Variants in ERMP1 observed in about 807,000 individuals in gnomAD.
ERMP1 encodes the protein endoplasmic reticulum metallopeptidase 1.
Under a neutral mutation model 92.0 loss-of-function variants are expected in ERMP1, and 86 were observed. The ratio of observed to expected loss-of-function variants is 0.93; its 90% CI spans 0.79 to 1.12. The LOEUF (loss-of-function observed/expected upper bound fraction) is 1.12, where lower values mean the gene tolerates loss of function less well. Among genes scored for constraint, ERMP1 ranks in the 50% most tolerant of loss-of-function variants. The probability of loss-of-function intolerance (pLI) is 0.00; values close to 1 mark genes in which losing one functional copy is unlikely to be tolerated. For synonymous variants in ERMP1, 530 were observed against 412.8 expected, an observed-to-expected ratio of 1.28 and a Z score of -3.44; for missense variants, 1,342 against 1,116.3, an observed-to-expected ratio of 1.20 and a Z score of -2.88.
At chr9:5,798,580 C>T (rs1324738641) in intron 12 of ERMP1, among the ~76,000 whole-genome samples, 1 of 151,380 alleles carries the variant, frequency 6.6e-6, no homozygotes, top group Non-Finnish European at 1.5e-5. Flanking sequence ...TTTCTAACCA[C>T]TCAGGTTTCT....
chr9:5,840,610 T>G (rs1830151347), intron 6 of ERMP1, among the ~76,000 whole-genome samples: 1 of 152,236 alleles, frequency 6.6e-6, no homozygotes, highest in African/African-American at 2.4e-5. Context: ...GGCAGTACGA[T>G]GCCGCAGTTC....
intron 7 of ERMP1, 108 bp from the exon 8 acceptor site, chr9:5,810,339 G>T: frequency 1.4e-6 from 1 of 716,308 alleles, no homozygotes; most frequent in Non-Finnish European, 2.3e-6. Context: ...ACTCCCCACT[G>T]TACTTGAAAA....
intron 8 of ERMP1, among the ~76,000 whole-genome samples, chr9:5,806,482 C>T (rs1173600043): frequency 1.3e-5 from 2 of 151,458 alleles, no homozygotes; most frequent in Non-Finnish European, 2.9e-5. Flanking sequence ...GGCCGGAGTC[C>T]AGTGGTGCGA....
chr9:5,839,716 C>T (rs548350839), intron 6 of ERMP1, among the ~76,000 whole-genome samples: 8 of 152,216 alleles, frequency 5.3e-5, no homozygotes, highest in East Asian at 1.9e-4. Context: ...ACTTGGCTTT[C>T]GGGCTGCATG....
intron 6 of ERMP1, among the ~76,000 whole-genome samples, chr9:5,854,040 G>A (rs191924326): frequency 6.6e-6 from 1 of 152,102 alleles, no homozygotes; most frequent in Admixed American, 6.6e-5. Context: ...TAGACCTGGA[G>A]CTTATATATC....
chr9:5,861,724 T>TTG (rs1180258463), intron 5 of ERMP1, among the ~76,000 whole-genome samples: 2 of 142,912 alleles, frequency 1.4e-5, no homozygotes, highest in South Asian at 2.4e-4. Context: ...AGGGTTTTTT[T>TTG]TTTTTTTTTT....
chr9:5,813,799 C>T (rs1174882189), intron 4 of ERMP1, among the ~76,000 whole-genome samples: 1 of 150,412 alleles, frequency 6.6e-6, no homozygotes, highest in Non-Finnish European at 1.5e-5. Flanking sequence ...CATACATCTA[C>T]AGCTTTTTCA....
Position 5,833,077 on chromosome 9 carries a change from C to G in ERMP1, c.-50G>C, listed in dbSNP as rs755937954. ...CAACCGCCCCAACCCGCGACAGCCC[C>G]GGCCGCCGCCGACGCCGCCGTCGCT... On this transcript the variant is annotated 5_prime_UTR_variant, in exon 1 of 15. Coordinates refer to ENST00000339450, the MANE Select transcript of ERMP1 (RefSeq NM_024896.3). The G allele has an allele frequency of 8.7e-6, 12 of 1,384,692 alleles. No individual in the cohort carries two copies. Among genetic ancestry groups the G allele is most frequent in the South Asian group, 3.3e-5 (2 of 61,180 alleles). 85.8% of individuals were successfully genotyped at this position (1,384,692 alleles called of 1,614,324 possible).
At position 5,812,174 on chromosome 9, in the gene ERMP1, GGT is replaced by G; in HGVS notation, c.1063_1064del (p.Thr355GlnfsTer3). 6.2e-7 allele frequency: 1 copy of G among 1,609,994 alleles called. No individual in the cohort carries two copies. The highest frequency in any genetic ancestry group is 8.5e-7 in the Non-Finnish European group (1 of 1,177,796). ...GAATTCTGTCCGCTGTGTCATACTT[GGT>G]GTGATAAATGTATCCATTCTCAATA... The part of the protein sequence containing the change: ...AFIENGYIYH[T>X]KYDTADRILT... On this transcript the variant is annotated frameshift_variant, in exon 6 of 15. Transcript: ENST00000339450. LOFTEE classifies it high-confidence loss of function.
intron 13 of ERMP1, among the ~76,000 whole-genome samples, chr9:5,790,296 A>G (rs1586762794): frequency 6.6e-6 from 1 of 152,054 alleles, no homozygotes; most frequent in African/African-American, 2.4e-5. Flanking sequence ...ATAATAGAGA[A>G]TTAAAACAAA....
At chr9:5,813,808 C>T (rs1175483393) in intron 4 of ERMP1, among the ~76,000 whole-genome samples, 1 of 150,106 alleles carries the variant, frequency 6.7e-6, no homozygotes, top group Non-Finnish European at 1.5e-5. Context: ...ACAGCTTTTT[C>T]AAATGGGAGT....
intron 2 of ERMP1, among the ~76,000 whole-genome samples, chr9:5,827,901 C>A (rs1255980110): frequency 6.6e-6 from 1 of 152,132 alleles, no homozygotes. Context: ...TGGCGTGAAC[C>A]CGGGAGGCAG....
intron 6 of ERMP1, among the ~76,000 whole-genome samples, chr9:5,842,738 A>G (rs189408416): frequency 6.6e-6 from 1 of 152,352 alleles, no homozygotes; most frequent in African/African-American, 2.4e-5. Flanking sequence ...TGTGATGATA[A>G]TAAGTGCCTT....
At chr9:5,815,970 A>G (rs1829288959) in intron 4 of ERMP1, among the ~76,000 whole-genome samples, 1 of 152,122 alleles carries the variant, frequency 6.6e-6, no homozygotes, top group Non-Finnish European at 1.5e-5. Context: ...TTTATGCTAA[A>G]AAATACAATG....
intron 2 of ERMP1, among the ~76,000 whole-genome samples, chr9:5,825,566 C>T (rs1303511356): frequency 6.6e-6 from 1 of 152,160 alleles, no homozygotes; most frequent in Non-Finnish European, 1.5e-5. Flanking sequence ...TATTCTTTAC[C>T]CGTATTCCAC....
At chr9:5,815,400 C>A (rs540952064) in intron 4 of ERMP1, among the ~76,000 whole-genome samples, 1 of 151,508 alleles carries the variant, frequency 6.6e-6, no homozygotes, top group East Asian at 1.9e-4. Context: ...GAAATAGACA[C>A]CACTGGCCTA....
intron 5 of ERMP1, among the ~76,000 whole-genome samples, chr9:5,863,075 C>T (rs1011128440): frequency 6.6e-6 from 1 of 152,210 alleles, no homozygotes; most frequent in African/African-American, 2.4e-5. Context: ...AATGGAAATA[C>T]CCCTAGTATC....
chr9:5,835,523 GA>G (rs887721720), upstream of ERMP1, among the ~76,000 whole-genome samples: 1 of 152,146 alleles, frequency 6.6e-6, no homozygotes, highest in Non-Finnish European at 1.5e-5. Flanking sequence ...ATGAAGTGAG[GA>G]ACAGGGCCAC....
chr9:5,860,910 C>G (rs180777719), intron 5 of ERMP1, among the ~76,000 whole-genome samples: 1 of 152,262 alleles, frequency 6.6e-6, no homozygotes, highest in Non-Finnish European at 1.5e-5. Context: ...TGTCCCACCT[C>G]CACCCTCTCT....
Sources: allele counts gnomAD v4.1 joint callset (sites outside exome capture counted in the v4.1 genomes callset), GRCh38; gene constraint gnomAD v4.1.1; transcripts MANE v1.5; gene names NCBI Gene and HGNC (gene_info 2026-07-23, HGNC 2026-07-21).